EFHD1: variants seen among roughly 807,000 people sequenced by gnomAD.
The protein encoded by EFHD1 is EF-hand domain family member D1.
In EFHD1, 10 loss-of-function variants were observed where a neutral mutation model predicts 17.2. The ratio of observed to expected loss-of-function variants is 0.58; its 90% CI spans 0.36 to 0.99. EFHD1 has a LOEUF of 0.99. EFHD1 is among the 50% of genes least tolerant of loss of function. EFHD1 has a pLI of 0.01. For synonymous variants in EFHD1, 153 were observed against 142.0 expected (o/e 1.08, Z -0.55); for missense variants, 310 against 327.5 (o/e 0.95, Z 0.41).
chr2:232,626,048 G>T (rs1217546940), intron 1 of EFHD1, among the ~76,000 whole-genome samples: 2 of 151,896 alleles, frequency 1.3e-5, no homozygotes. Context: ...AATTAGCCAG[G>T]TTGGTGGCAT....
intron 2 of EFHD1, among the ~76,000 whole-genome samples, chr2:232,663,850 A>G (rs904387368): frequency 1.3e-5 from 2 of 152,126 alleles, no homozygotes; most frequent in African/African-American, 4.8e-5. Context: ...CAGTGGCTCA[A>G]TCCTCAATCA....
At chr2:232,642,569 G>C (rs1195995528) in intron 1 of EFHD1, among the ~76,000 whole-genome samples, 4 of 152,054 alleles carry the variant, frequency 2.6e-5, no homozygotes, top group African/African-American at 4.8e-5. Flanking sequence ...CCTCACCCCA[G>C]AAAAATTTGA....
intron 1 of EFHD1, among the ~76,000 whole-genome samples, chr2:232,660,280 C>T (rs1271531435): frequency 1.3e-5 from 2 of 151,912 alleles, no homozygotes; most frequent in East Asian, 1.9e-4. Context: ...CTGCAAGCTC[C>T]GCCTCCTGGG....
rs140217551 is a variant in EFHD1, at chr2:232,674,963, T to C, written c.585+2520T>C. Among the ~76,000 whole-genome samples, 756 of 151,902 alleles carry C rather than the reference T, an allele frequency of 5.0e-3. 7 individuals carry two copies. The highest frequency in any genetic ancestry group is 0.017 in the African/African-American group (715 of 41,438). ...ACATGGCCGGAGGTGAAAGCCAAGA[T>C]GCAAATATGGTGACCCCAGCCTGGC... On this transcript the variant is annotated intron_variant, in intron 3 of 3. Transcript: ENST00000264059.
At chr2:232,619,310 TTC>T (rs949276197) in intron 1 of EFHD1, among the ~76,000 whole-genome samples, 9 of 45,172 alleles carry the variant, frequency 2.0e-4, no homozygotes, top group African/African-American at 5.4e-4. Flanking sequence ...CTTTCTTTCT[TTC>T]TTTTTTTTTT....
At chr2:232,614,094 C>CATAT in intron 1 of EFHD1, among the ~76,000 whole-genome samples, 1 of 58,566 alleles carries the variant, frequency 1.7e-5, no homozygotes, top group Non-Finnish European at 4.4e-5. Context: ...TATATACACA[C>CATAT]ATACACATGT....
At chr2:232,644,805 T>A (rs1236144179) in intron 1 of EFHD1, among the ~76,000 whole-genome samples, 1 of 151,166 alleles carries the variant, frequency 6.6e-6, no homozygotes, top group Non-Finnish European at 1.5e-5. Flanking sequence ...TTTTTTTTTT[T>A]TTTTTTTTTA....
chr2:232,676,914 T>G (rs116146868), intron 3 of EFHD1, among the ~76,000 whole-genome samples: 1,891 of 151,794 alleles, frequency 0.012, 33 homozygotes, highest in African/African-American at 0.043. Flanking sequence ...GCAGGAGAAC[T>G]CCTCAAACCC....
intron 2 of EFHD1, among the ~76,000 whole-genome samples, chr2:232,667,677 C>T (rs1694993587): frequency 6.6e-6 from 1 of 152,048 alleles, no homozygotes; most frequent in African/African-American, 2.4e-5. Context: ...CTCAGCCTCC[C>T]AAGTAGCTGG....
chr2:232,671,251 G>A (rs1695063229), intron 2 of EFHD1, among the ~76,000 whole-genome samples: 1 of 149,248 alleles, frequency 6.7e-6, no homozygotes, highest in Non-Finnish European at 1.5e-5. Context: ...CCTGGGCAAC[G>A]TAGAAGACCC....
At chr2:232,633,553 C>T (rs573163352), upstream of EFHD1, 6,300 of 1,286,504 alleles carry the variant, frequency 4.9e-3, 26 homozygotes, top group Middle Eastern at 9.2e-3. Flanking sequence ...CCGCCCCGCC[C>T]GCCAGTCCGT....
Position 232,682,576 on chromosome 2 carries a change from A to G in EFHD1, c.*857A>G, listed in dbSNP as rs942038870. 2 of 152,200 alleles carry G rather than the reference A, an allele frequency of 1.3e-5. No individual in the cohort carries two copies. The highest frequency in any genetic ancestry group is 4.8e-5 in the African/African-American group (2 of 41,438). 9.4% of individuals were successfully genotyped at this position (152,200 alleles called of 1,614,324 possible). ...TTCAAACATCCCCAAAGTCATGGCC[A>G]TACTCACCATTAGCCAGTTTCTAAC... On this transcript the variant is annotated 3_prime_UTR_variant, in exon 4 of 4. Transcript: ENST00000264059.
In EFHD1 at chr2:232,633,617, G is replaced by T. The variant is rs1266444724; in HGVS notation, c.-88G>T. On this transcript the variant is annotated 5_prime_UTR_variant, in exon 1 of 4. Transcript: ENST00000264059. ...CGCCGCCTCGGCGGAGTGTTGTAGA[G>T]CCTCGAGCCTGCGAGGAGCGCGCCG... 100 of 1,340,730 alleles carry T rather than the reference G, an allele frequency of 7.5e-5. No homozygotes were observed. Among genetic ancestry groups the T allele is most frequent in the Non-Finnish European group, 9.3e-5 (98 of 1,054,484 alleles). 83.1% of individuals were successfully genotyped at this position (1,340,730 alleles called of 1,614,324 possible).
At chr2:232,646,300 C>G (rs959708753) in intron 1 of EFHD1, among the ~76,000 whole-genome samples, 7 of 152,250 alleles carry the variant, frequency 4.6e-5, no homozygotes, top group Non-Finnish European at 7.4e-5. Context: ...TGGTTCCCCC[C>G]ACCCAGGCCT....
intron 1 of EFHD1, among the ~76,000 whole-genome samples, chr2:232,627,056 ATATATATATTTTT>A (rs1344950512): frequency 1.7e-5 from 2 of 119,328 alleles, no homozygotes; most frequent in East Asian, 2.6e-4. Context: ...ATATATATAT[ATATATATATTTTT>A]TTTTTTTTTT....
At chr2:232,634,916 T>A (rs1333437659) in intron 1 of EFHD1, among the ~76,000 whole-genome samples, 2 of 152,200 alleles carry the variant, frequency 1.3e-5, no homozygotes, top group Non-Finnish European at 2.9e-5. Flanking sequence ...GCCGGCCAGG[T>A]CATGCTTGGG....
intron 1 of EFHD1, among the ~76,000 whole-genome samples, chr2:232,620,076 CATT>C (rs1693993302): frequency 6.7e-6 from 1 of 150,304 alleles, no homozygotes. Flanking sequence ...ATAATGATGT[CATT>C]TTTTTTTTTT....
Position 232,635,830 on chromosome 2 carries a change from A to T in EFHD1, c.302+1824A>T, listed in dbSNP as rs917790212. 2.6e-5 allele frequency among the ~76,000 whole-genome samples: 4 copies of T among 152,226 alleles called. No homozygotes were observed. The East Asian group carries it at 7.7e-4, about 29-fold the overall frequency. ...GGAGATTCTGTCTCAAGGGGAAAAA[A>T]AAAAAGCCAAGGGGAAGGCAGTGTG... On this transcript the variant is annotated intron_variant, in intron 1 of 3. Transcript: ENST00000264059.
chr2:232,672,305 G>A lies in EFHD1; in HGVS notation c.451-4G>A, dbSNP rs774270424. ...TCTGGTTCCCTACTTTCTTTCCCCT[G>A]TAGTTCCTGCTCATTTTCCACAAGG... On this transcript the variant is annotated splice_polypyrimidine_tract_variant and splice_region_variant and intron_variant, in intron 2 of 3. Transcript: ENST00000264059. 1.2e-5 allele frequency: 19 copies of A among 1,614,082 alleles called. No homozygotes were observed. Among genetic ancestry groups the A allele is most frequent in the South Asian group, 5.5e-5 (5 of 91,086 alleles).
Sources: allele counts gnomAD v4.1 joint callset (sites outside exome capture counted in the v4.1 genomes callset), GRCh38; gene constraint gnomAD v4.1.1; transcripts MANE v1.5; gene names NCBI Gene and HGNC (gene_info 2026-07-23, HGNC 2026-07-21).